SHROOM3: variants seen among roughly 807,000 people sequenced by gnomAD.
SHROOM3 encodes protein Shroom3.
SHROOM3 carries 47 observed loss-of-function variants against 138.6 expected under a neutral mutation model. The ratio of observed to expected loss-of-function variants is 0.34; its 90% confidence interval spans 0.27 to 0.43. The LOEUF (loss-of-function observed/expected upper bound fraction) is 0.43, where lower values mean the gene tolerates loss of function less well. SHROOM3 is among the 20% of genes least tolerant of loss of function. The pLI is 1.00. For missense variants in SHROOM3, 2,491 were observed against 2,596.5 expected (o/e 0.96, Z 0.88); for synonymous variants, 1,062 against 1,063.3 (o/e 1.00, Z 0.02).
intron 9 of SHROOM3, among the ~76,000 whole-genome samples, chr4:76,759,903 A>T (rs1013901863): frequency 6.6e-6 from 1 of 152,142 alleles, no homozygotes; most frequent in African/African-American, 2.4e-5. Context: ...AGGGCAGGTA[A>T]GCTACTGTAC....
Position 76,741,093 on chromosome 4 carries a change from T to G in SHROOM3, c.2920T>G (p.Ser974Ala). Residue 974 changes from serine to alanine, a missense_variant, in exon 5 of 11, where the codon TCG (serine) becomes GCG (alanine). Transcript: ENST00000296043. The surrounding 1 kb of genome is among the most constrained non-coding windows in gnomAD (Gnocchi z 6.2). ...AHVGLRSPEASASASPHTPRE... is the reference protein window; with the variant it reads ...AHVGLRSPEAAASASPHTPRE... Reference sequence around the variant, plus strand: ...CGTGGGGCTGCGGAGCCCCGAGGCGTCGGCCTCCGCCTCCCCGCACACGCC... The same window carrying G: ...CGTGGGGCTGCGGAGCCCCGAGGCGGCGGCCTCCGCCTCCCCGCACACGCC... 1 of 1,544,378 alleles carries G rather than the reference T, an allele frequency of 6.5e-7. No homozygotes were observed. Among genetic ancestry groups the G allele is most frequent in the Non-Finnish European group, 8.7e-7 (1 of 1,144,802 alleles).
chr4:76,756,598 T>G lies in SHROOM3; in HGVS notation c.4859T>G (p.Val1620Gly). The G allele has an allele frequency of 1.9e-6, 3 of 1,612,818 alleles. No individual in the cohort carries two copies. The highest frequency in any genetic ancestry group is 2.5e-6 in the Non-Finnish European group (3 of 1,179,840). Residue 1620 changes from valine (V) to glycine (G), a missense_variant, in exon 8 of 11, where the codon GTT (valine) becomes GGT (glycine). Physicochemically the swap from Val to Gly is moderately radical, Grantham distance 109. This residue lies in a region of SHROOM3 where 470 missense variants were observed against 595.0 expected (regional missense o/e 0.79). Transcript: ENST00000296043. ...AESTPPSFMS[V>G]HAQLAGSLGG... ...TCCACACCACCCTCCTTCATGAGCGTTCACGCCCAACTTGCTGGGTCTCTT... is the reference window on the plus strand; with the variant it reads ...TCCACACCACCCTCCTTCATGAGCGGTCACGCCCAACTTGCTGGGTCTCTT...
At chr4:76,776,430 CAAAA>C (rs1410676169) in intron 10 of SHROOM3, among the ~76,000 whole-genome samples, 57 of 152,304 alleles carry the variant, frequency 3.7e-4, no homozygotes, top group African/African-American at 1.3e-3. Flanking sequence ...TTTTGCTGTG[CAAAA>C]GCTCTTTAGT....
rs762415841 is a variant in SHROOM3, at chr4:76,778,818, T to C, written c.5632T>C (p.Tyr1878His). 1.9e-6 allele frequency: 3 copies of C among 1,612,268 alleles called. No individual in the cohort carries two copies. The highest frequency in any genetic ancestry group is 2.5e-6 in the Non-Finnish European group (3 of 1,180,018). Residue 1878 changes from tyrosine (Y) to histidine (H), a missense_variant, in exon 11 of 11, where the codon TAC (tyrosine) becomes CAC (histidine). Physicochemically the swap from Tyr to His is moderately conservative, Grantham distance 83 (BLOSUM62 2). Coordinates refer to ENST00000296043, the MANE Select transcript of SHROOM3 (RefSeq NM_020859.4). ...DASNEERSSL[Y>H]EKRKILAGQH... ...CAATTTTCCCTGGCAGAGCTCTCTT[T>C]ACGAGAAAAGGAAGATCCTGGCTGG...
At chr4:76,504,413 C>G (rs1401144837) in intron 1 of SHROOM3, among the ~76,000 whole-genome samples, 1 of 152,150 alleles carries the variant, frequency 6.6e-6, no homozygotes, top group Non-Finnish European at 1.5e-5. Context: ...CCTGCCTCGG[C>G]CTCCCAAAGT....
At chr4:76,562,145 C>G (rs1391034959) in intron 2 of SHROOM3, among the ~76,000 whole-genome samples, 1 of 152,144 alleles carries the variant, frequency 6.6e-6, no homozygotes, top group African/African-American at 2.4e-5. Flanking sequence ...AGGAAATGCA[C>G]CGGACTACTT....
At chr4:76,701,416 C>T (rs181597736) in intron 2 of SHROOM3, among the ~76,000 whole-genome samples, 88 of 152,256 alleles carry the variant, frequency 5.8e-4, no homozygotes, top group Middle Eastern at 3.4e-3. Context: ...AGTCGTGTGG[C>T]TTAGAAGTCC....
intron 2 of SHROOM3, among the ~76,000 whole-genome samples, chr4:76,612,977 C>T (rs1734795075): frequency 6.6e-6 from 1 of 152,146 alleles, no homozygotes; most frequent in Non-Finnish European, 1.5e-5. Context: ...ATTGAATAGC[C>T]AACTAAGTTA....
chr4:76,493,655 G>C (rs34343322), intron 1 of SHROOM3, among the ~76,000 whole-genome samples: 14,204 of 152,222 alleles, frequency 0.093, 762 homozygotes, highest in South Asian at 0.18. Flanking sequence ...TACCCACTTT[G>C]CTTTTATAAA....
chr4:76,498,122 G>C (rs1280108453), intron 1 of SHROOM3, among the ~76,000 whole-genome samples: 1 of 152,152 alleles, frequency 6.6e-6, no homozygotes, highest in Non-Finnish European at 1.5e-5. Flanking sequence ...TATTTCCCTG[G>C]ATTGTGAGAC....
intron 1 of SHROOM3, among the ~76,000 whole-genome samples, chr4:76,452,345 C>G (rs1270431605): frequency 6.6e-6 from 1 of 152,150 alleles, no homozygotes; most frequent in African/African-American, 2.4e-5. Context: ...TTCATCTTCC[C>G]AAACTGAAAC....
intron 1 of SHROOM3, among the ~76,000 whole-genome samples, chr4:76,541,370 T>A (rs11737607): frequency 0.11 from 16,657 of 152,124 alleles, 1,003 homozygotes; most frequent in East Asian, 0.16. Context: ...AGAAAATTTT[T>A]AAAATTAAAT....
chr4:76,745,221 C>T (rs577428840), intron 5 of SHROOM3, among the ~76,000 whole-genome samples: 1 of 152,312 alleles, frequency 6.6e-6, no homozygotes, highest in Admixed American at 6.5e-5. Flanking sequence ...TGGGTAGGAC[C>T]TGCAAAGCTA....
At chr4:76,473,173 T>A (rs554259422) in intron 1 of SHROOM3, among the ~76,000 whole-genome samples, 2 of 152,362 alleles carry the variant, frequency 1.3e-5, no homozygotes, top group East Asian at 3.9e-4. Context: ...CAAATTGGAC[T>A]TTATTAAAAT....
intron 9 of SHROOM3, among the ~76,000 whole-genome samples, chr4:76,765,705 T>C (rs975808966): frequency 7.9e-5 from 12 of 152,124 alleles, no homozygotes; most frequent in East Asian, 1.9e-4. Context: ...ATGAGCGGTG[T>C]GTCATCTTCA....
intron 3 of SHROOM3, among the ~76,000 whole-genome samples, chr4:76,728,317 G>A (rs1021948552): frequency 3.3e-5 from 5 of 152,356 alleles, no homozygotes; most frequent in Non-Finnish European, 7.3e-5. Flanking sequence ...ATGGAGGCAA[G>A]TCTTTCCCAT....
At chr4:76,550,721 A>G (rs1220918931) in intron 1 of SHROOM3, among the ~76,000 whole-genome samples, 1 of 152,126 alleles carries the variant, frequency 6.6e-6, no homozygotes, top group Admixed American at 6.6e-5. Flanking sequence ...TCCCATGGCC[A>G]GGTGCAGTGG....
At chr4:76,648,145 TAGTG>T (rs925625350) in intron 2 of SHROOM3, among the ~76,000 whole-genome samples, 4 of 151,666 alleles carry the variant, frequency 2.6e-5, no homozygotes, top group African/African-American at 9.7e-5. Flanking sequence ...CTGAGCAACA[TAGTG>T]AGACCCTGTC....
chr4:76,652,796 A>C (rs1331319644), intron 2 of SHROOM3, among the ~76,000 whole-genome samples: 1 of 151,498 alleles, frequency 6.6e-6, no homozygotes, highest in Non-Finnish European at 1.5e-5. Context: ...GGTGTGTATA[A>C]GTGTGTGTGT....
Sources: gnomAD v4.1 joint callset for allele counts (sites outside exome capture counted in the v4.1 genomes callset) on GRCh38, gnomAD v4.1.1 for gene constraint, gnomAD v4.1.1 regional missense constraint, Gnocchi (gnomAD v3.1) non-coding constraint, MANE v1.5 for transcripts, NCBI Gene and HGNC (gene_info 2026-07-23, HGNC 2026-07-21) for gene names.